The following MAP1B variants were observed in gnomAD, a reference collection of about 807,000 sequenced individuals.
The protein encoded by MAP1B is microtubule associated protein 1B.
MAP1B carries 12 observed loss-of-function variants against 176.1 expected under a neutral mutation model. That is an observed-to-expected ratio of 0.07 (90% CI 0.04 to 0.11). The LOEUF (loss-of-function observed/expected upper bound fraction) is 0.11. MAP1B is among the 10% of genes least tolerant of loss of function. The probability of loss-of-function intolerance (pLI) is 1.00; values close to 1 mark genes in which losing one functional copy is unlikely to be tolerated. For synonymous variants in MAP1B, 1,044 were observed against 1,135.0 expected, an observed-to-expected ratio of 0.92 and a Z score of 1.61; for missense variants, 2,523 against 2,990.5, an observed-to-expected ratio of 0.84 and a Z score of 3.65.
intron 2 of MAP1B, among the ~76,000 whole-genome samples, chr5:72,179,309 C>A (rs1165765324): frequency 1.3e-5 from 2 of 152,174 alleles, no homozygotes; most frequent in Non-Finnish European, 1.5e-5. Context: ...ATTCATGGGG[C>A]TGCCTAAGGG....
At position 72,204,231 on chromosome 5, in the gene MAP1B, CT is replaced by C. The variant is rs1747393558; in HGVS notation, c.7251+431del. Among the ~76,000 whole-genome samples, 1 of 152,126 alleles carries C rather than the reference CT, an allele frequency of 6.6e-6. No homozygotes were observed. Among genetic ancestry groups the C allele is most frequent in the Non-Finnish European group, 1.5e-5 (1 of 68,034 alleles). On this transcript the variant is annotated intron_variant, in intron 6 of 6. Transcript: ENST00000296755. The surrounding 1 kb of genome is among the most constrained non-coding windows in gnomAD (Gnocchi z 4.4). ...AATATGGCCATTTAGAAAAACAGCT[CT>C]CCATGTGAAATTCCACAGCAGGAGC...
chr5:72,203,255 T>TG (rs1229898096), intron 5 of MAP1B, among the ~76,000 whole-genome samples: 1 of 152,240 alleles, frequency 6.6e-6, no homozygotes, highest in East Asian at 1.9e-4. Flanking sequence ...TTATATCTAG[T>TG]GCCATCTTGG....
chr5:72,206,446 G>A lies in MAP1B; in HGVS notation c.*1207G>A, dbSNP rs1747448301. 1 of 152,608 alleles carries A rather than the reference G, an allele frequency of 6.6e-6. No homozygotes were observed. The highest frequency in any genetic ancestry group is 2.4e-5 in the African/African-American group (1 of 41,440). The allele number at this position is 152,608 out of a possible 1,614,324, so 9.5% of individuals were successfully genotyped here. A position where few individuals can be genotyped will look rare whatever the true frequency, so the allele number is the denominator to read the frequency against. ...TCTTTACTACTGCAAGTTCAAGACT[G>A]AAATGGCTTCTATGATCAGAACTGG... On this transcript the variant is annotated 3_prime_UTR_variant, in exon 7 of 7. Coordinates refer to ENST00000296755, the MANE Select transcript of MAP1B (RefSeq NM_005909.5).
chr5:72,184,254 G>A (rs989430489), intron 3 of MAP1B, among the ~76,000 whole-genome samples: 1 of 152,176 alleles, frequency 6.6e-6, no homozygotes, highest in Non-Finnish European at 1.5e-5. Context: ...GAGCTCTCCT[G>A]CACACTCCTA....
chr5:72,113,669 C>T (rs796648388), intron 1 of MAP1B, among the ~76,000 whole-genome samples: 53 of 152,294 alleles, frequency 3.5e-4, no homozygotes, highest in African/African-American at 1.2e-3. Context: ...AATTTAAATG[C>T]ATATGTCTCA....
At chr5:72,133,209 C>T (rs1156960000) in intron 2 of MAP1B, among the ~76,000 whole-genome samples, 1 of 152,152 alleles carries the variant, frequency 6.6e-6, no homozygotes, top group Non-Finnish European at 1.5e-5. Context: ...CAGACCATGA[C>T]CAGCATGCAC....
In MAP1B at chr5:72,196,028, C is replaced by T. The variant is rs1241754485; in HGVS notation, c.2673C>T (p.Ser891=). ...EREVTKGPAE[S]PDEGITTTEG... ...AAGTCACCAAAGGTCCTGCCGAGTC[C>T]CCTGATGAGGGAATCACTACCACTG... is the stretch of plus-strand genomic sequence containing the variant. The change falls in exon 5 of 7, where the codon TCC becomes TCT. Residue 891 remains serine, a synonymous_variant. Coordinates refer to ENST00000296755, the MANE Select transcript of MAP1B (RefSeq NM_005909.5). This position sits in a 1 kb window ranked among gnomAD's most constrained non-coding sequence, Gnocchi z 5.3. 6.2e-7 allele frequency: 1 copy of T among 1,614,058 alleles called. No individual in the cohort carries two copies. The highest frequency in any genetic ancestry group is 1.3e-5 in the African/African-American group (1 of 74,938).
chr5:72,204,968 A>C lies in MAP1B; in HGVS notation c.7252-116A>C. 3 of 662,570 alleles carry C rather than the reference A, an allele frequency of 4.5e-6. No homozygotes were observed. The highest frequency in any genetic ancestry group is 7.3e-6 in the Non-Finnish European group (3 of 413,080). 41.0% of individuals were successfully genotyped at this position (662,570 alleles called of 1,614,324 possible). ...TTTGCATTTCTTGAGGAAAATAGAA[A>C]AGTTTTCTCTCATTTCCCTTCTTCT... On this transcript the variant is annotated intron_variant, in intron 6 of 6. Transcript: ENST00000296755. The surrounding 1 kb of genome is among the most constrained non-coding windows in gnomAD (Gnocchi z 4.4).
chr5:72,173,878 A>T (rs1349619187), intron 2 of MAP1B, among the ~76,000 whole-genome samples: 1 of 152,226 alleles, frequency 6.6e-6, no homozygotes, highest in Admixed American at 6.5e-5. Context: ...CTGTAATCAC[A>T]GTACTTTGGG....
At chr5:72,170,952 AT>A (rs570742082) in intron 2 of MAP1B, among the ~76,000 whole-genome samples, 1 of 152,306 alleles carries the variant, frequency 6.6e-6, no homozygotes, top group African/African-American at 2.4e-5. Context: ...CATCTCAAAA[AT>A]AAAATAAAAT....
In MAP1B at chr5:72,183,223, G is replaced by C. The variant is rs1746815887; in HGVS notation, c.287-520G>C. 2.6e-5 allele frequency among the ~76,000 whole-genome samples: 4 copies of C among 152,194 alleles called. No homozygotes were observed. The South Asian group carries it at 8.3e-4, about 32-fold the overall frequency. ...CCTATGAGCAAGTGAATTAATTAAT[G>C]AATACTCCAACAGACTGTAAGCCTG... On this transcript the variant is annotated intron_variant, in intron 2 of 6. Coordinates refer to ENST00000296755, the MANE Select transcript of MAP1B (RefSeq NM_005909.5).
At position 72,198,749 on chromosome 5, in the gene MAP1B, T is replaced by C. The variant is rs916033401; in HGVS notation, c.5394T>C (p.Pro1798=). The C allele has an allele frequency of 6.2e-7, 1 of 1,614,076 alleles. No individual in the cohort carries two copies. The highest frequency in any genetic ancestry group is 8.5e-7 in the Non-Finnish European group (1 of 1,180,036). The change falls in exon 5 of 7, where the codon CCT becomes CCC. Residue 1798 remains proline, a synonymous_variant. Transcript: ENST00000296755. The stretch of plus-strand genomic sequence containing the variant: ...GAGAGTCCTCTCCTTTATATTCACC[T>C]ACTTTTTCAGATTCTACCTCTGCAG... ...TPRESSPLYS[P]TFSDSTSAVK...
At position 72,198,498 on chromosome 5, in the gene MAP1B, A is replaced by G. The variant is rs1435874098; in HGVS notation, c.5143A>G (p.Asn1715Asp). 1.2e-6 allele frequency: 2 copies of G among 1,613,782 alleles called. No individual in the cohort carries two copies. The highest frequency in any genetic ancestry group is 1.7e-6 in the Non-Finnish European group (2 of 1,180,036). ...GGAGGAGCCGTCCTACACCCAAGAT[A>G]ATGATCTTTCTGAGCTCATCTCAGT... ...PMEEPSYTQDNDLSELISVSQ... is the reference protein window; with the variant it reads ...PMEEPSYTQDDDLSELISVSQ... Residue 1715 changes from asparagine (N) to aspartate (D), a missense_variant, in exon 5 of 7, where the codon AAT becomes GAT. This residue lies in a region of MAP1B where 1,925 missense variants were observed against 2,126.0 expected (regional missense o/e 0.91). Coordinates refer to ENST00000296755, the MANE Select transcript of MAP1B (RefSeq NM_005909.5).
intron 4 of MAP1B, chr5:72,193,341 C>CTTT: frequency 7.1e-6 from 2 of 280,634 alleles, no homozygotes; most frequent in Non-Finnish European, 1.4e-5. Flanking sequence ...ATCCATCAGG[C>CTTT]CTTTTTTTTT....
At chr5:72,107,960 T>C (rs1361279563) in intron 1 of MAP1B, among the ~76,000 whole-genome samples, 1 of 152,210 alleles carries the variant, frequency 6.6e-6, no homozygotes, top group Non-Finnish European at 1.5e-5. Context: ...GTCCGCAGCC[T>C]GTGCTGAGTT....
intron 2 of MAP1B, among the ~76,000 whole-genome samples, chr5:72,143,066 C>T (rs1261005891): frequency 6.6e-6 from 1 of 152,030 alleles, no homozygotes; most frequent in Non-Finnish European, 1.5e-5. Context: ...GTTGTGTTCT[C>T]TTGTGTGTGT....
chr5:72,167,412 C>T (rs946988823), intron 2 of MAP1B, among the ~76,000 whole-genome samples: 2 of 152,204 alleles, frequency 1.3e-5, no homozygotes, highest in Non-Finnish European at 2.9e-5. Flanking sequence ...AGCTGGTTCT[C>T]TCTCTACTAC....
intron 2 of MAP1B, among the ~76,000 whole-genome samples, chr5:72,158,447 A>G (rs1580000139): frequency 1.3e-5 from 2 of 152,290 alleles, no homozygotes; most frequent in Non-Finnish European, 2.9e-5. Flanking sequence ...AAGCAGTTGG[A>G]GAAAAGAAAG....
intron 2 of MAP1B, among the ~76,000 whole-genome samples, chr5:72,155,580 G>A (rs1746213053): frequency 6.6e-6 from 1 of 152,166 alleles, no homozygotes; most frequent in Admixed American, 6.5e-5. Flanking sequence ...TTTGGAGCCT[G>A]TCTACACCAT....
Sources: gnomAD v4.1 joint callset for allele counts (sites outside exome capture counted in the v4.1 genomes callset) on GRCh38, gnomAD v4.1.1 for gene constraint, gnomAD v4.1.1 regional missense constraint, Gnocchi (gnomAD v3.1) non-coding constraint, MANE v1.5 for transcripts, NCBI Gene and HGNC (gene_info 2026-07-23, HGNC 2026-07-21) for gene names.